KCNH1: variants seen among roughly 807,000 people sequenced by gnomAD.
KCNH1 encodes the protein potassium voltage-gated channel subfamily H member 1, also known as voltage-gated delayed rectifier potassium channel KCNH1.
KCNH1 carries 27 observed loss-of-function variants against 69.2 expected under a neutral mutation model. The observed-to-expected ratio is 0.39, with a 90% CI of 0.29 to 0.54. The LOEUF is 0.54. Ranked by LOEUF, KCNH1 falls within the 20% of genes least tolerant of loss-of-function variation. The probability of loss-of-function intolerance (pLI) is 0.68; values close to 1 mark genes in which losing one functional copy is unlikely to be tolerated. For missense variants in KCNH1, 798 were observed against 1,261.6 expected, an observed-to-expected ratio of 0.63 and a Z score of 5.57; for synonymous variants, 456 against 487.7, an observed-to-expected ratio of 0.93 and a Z score of 0.86.
intron 6 of KCNH1, among the ~76,000 whole-genome samples, chr1:210,933,453 T>C (rs913649678): frequency 3.3e-5 from 5 of 151,902 alleles, no homozygotes; most frequent in Admixed American, 6.6e-5. Flanking sequence ...GCATGGCACA[T>C]GTATACATAT....
intron 6 of KCNH1, among the ~76,000 whole-genome samples, chr1:210,949,262 T>C (rs1314210686): frequency 6.6e-6 from 1 of 152,204 alleles, no homozygotes; most frequent in South Asian, 2.1e-4. Context: ...ATGTCCCATA[T>C]ACCAAGGTGT....
At chr1:210,872,602 A>C (rs1686277378) in intron 7 of KCNH1, among the ~76,000 whole-genome samples, 1 of 152,180 alleles carries the variant, frequency 6.6e-6, no homozygotes, top group African/African-American at 2.4e-5. Flanking sequence ...GGAAACTTAC[A>C]ATCATGGCAA....
chr1:211,024,313 G>C (rs1477791808), intron 5 of KCNH1, among the ~76,000 whole-genome samples: 1 of 152,180 alleles, frequency 6.6e-6, no homozygotes, highest in Non-Finnish European at 1.5e-5. Context: ...TGAAACCTGA[G>C]TGACAACAAA....
At chr1:210,957,502 T>C (rs1688201858) in intron 6 of KCNH1, among the ~76,000 whole-genome samples, 1 of 152,168 alleles carries the variant, frequency 6.6e-6, no homozygotes, top group South Asian at 2.1e-4. Flanking sequence ...TTGTCTAATA[T>C]TGACAATGGG....
chr1:210,789,701 C>CCTAAAGCCTCACAAACAAGACATGCA (rs1574257278), intron 9 of KCNH1, among the ~76,000 whole-genome samples: 1 of 152,106 alleles, frequency 6.6e-6, no homozygotes, highest in East Asian at 1.9e-4. Context: ...ATTAAAATAT[C>CCTAAAGCCTCACAAACAAGACATGCA]CTAAAGCCTC....
At chr1:210,708,184 A>T (rs1373123738) in intron 10 of KCNH1, among the ~76,000 whole-genome samples, 1 of 151,888 alleles carries the variant, frequency 6.6e-6, no homozygotes, top group Non-Finnish European at 1.5e-5. Context: ...GAGCCCATTT[A>T]TGCTGCTTTT....
chr1:211,131,672 G>T (rs1481178008), intron 1 of KCNH1, among the ~76,000 whole-genome samples: 1 of 152,130 alleles, frequency 6.6e-6, no homozygotes, highest in African/African-American at 2.4e-5. Flanking sequence ...CAGATATTGT[G>T]ATATTTCTAG....
intron 6 of KCNH1, among the ~76,000 whole-genome samples, chr1:210,956,728 T>C (rs980365015): frequency 5.9e-5 from 9 of 152,094 alleles, no homozygotes; most frequent in Non-Finnish European, 1.3e-4. Flanking sequence ...TCTCTGATGG[T>C]AGTTTGTATT....
chr1:211,038,696 G>A (rs1321438690), intron 5 of KCNH1, among the ~76,000 whole-genome samples: 3 of 152,184 alleles, frequency 2.0e-5, no homozygotes, highest in Admixed American at 2.0e-4. Context: ...TTAGCAAAGG[G>A]ACTGCTGGTA....
chr1:210,887,714 T>C (rs115346597), intron 7 of KCNH1, among the ~76,000 whole-genome samples: 21,925 of 59,836 alleles, frequency 0.37, 2,479 homozygotes, highest in Middle Eastern at 0.46. Context: ...AGCAAGAAAA[T>C]GGAAAGCCAA....
intron 10 of KCNH1, among the ~76,000 whole-genome samples, chr1:210,703,845 T>C (rs1472693190): frequency 6.6e-6 from 1 of 152,202 alleles, no homozygotes; most frequent in Non-Finnish European, 1.5e-5. Flanking sequence ...AGTTTCTAAT[T>C]AATTATACTG....
intron 5 of KCNH1, among the ~76,000 whole-genome samples, chr1:211,048,470 G>A (rs1397415812): frequency 6.6e-6 from 1 of 151,946 alleles, no homozygotes; most frequent in Non-Finnish European, 1.5e-5. Context: ...AAGAAAATGT[G>A]GTGTATATAC....
chr1:210,836,111 CAAAAAA>C (rs776429016), intron 7 of KCNH1, among the ~76,000 whole-genome samples: 8 of 93,366 alleles, frequency 8.6e-5, no homozygotes, highest in Middle Eastern at 6.3e-3. Context: ...GTCTCCGTCT[CAAAAAA>C]AAAAAAAAAA....
chr1:210,780,791 T>C (rs1490637399), intron 9 of KCNH1, among the ~76,000 whole-genome samples: 3 of 152,226 alleles, frequency 2.0e-5, no homozygotes, highest in African/African-American at 4.8e-5. Context: ...CTCACGCCTG[T>C]AATCCCAGCA....
chr1:211,130,497 G>T lies in KCNH1; in HGVS notation c.79+3370C>A, dbSNP rs180741679. 2.8e-4 allele frequency among the ~76,000 whole-genome samples: 43 copies of T among 152,116 alleles called. 1 individual carries two copies. The highest frequency in any genetic ancestry group is 5.6e-4 in the Non-Finnish European group (38 of 67,956). The stretch of plus-strand genomic sequence containing the variant: ...AATGTAATTTACTAATCACAAGGAG[G>T]GTTTCTTGTTTACCACTGTATCCTC... On this transcript the variant is annotated intron_variant, in intron 1 of 10. Transcript: ENST00000271751.
chr1:210,806,827 AAAAAAAAAAATATAT>A (rs1684582616), intron 7 of KCNH1, among the ~76,000 whole-genome samples: 4 of 64,098 alleles, frequency 6.2e-5, no homozygotes, highest in Admixed American at 1.6e-4. Flanking sequence ...AAAAAAAAAA[AAAAAAAAAAATATAT>A]ATATATATAT....
At chr1:211,061,788 C>T (rs1690437006) in intron 5 of KCNH1, among the ~76,000 whole-genome samples, 1 of 151,948 alleles carries the variant, frequency 6.6e-6, no homozygotes, top group South Asian at 2.1e-4. Flanking sequence ...ATGAAAGCTA[C>T]AAAACATTGA....
At chr1:210,718,121 A>G (rs1682308482) in intron 10 of KCNH1, among the ~76,000 whole-genome samples, 1 of 150,622 alleles carries the variant, frequency 6.6e-6, no homozygotes, top group South Asian at 2.1e-4. Flanking sequence ...AACAAAAACA[A>G]AAACAAAAAA....
In KCNH1 at chr1:210,846,434, C is replaced by T. The variant is rs557483477; in HGVS notation, c.1463-42268G>A. ...CCTCAGAAATAATGCCACATATCTA[C>T]AACCATCTGATCTTTGACAAACCTG... On this transcript the variant is annotated intron_variant, in intron 7 of 10. Transcript: ENST00000271751. Among the ~76,000 whole-genome samples, 73 of 152,204 alleles carry T rather than the reference C, an allele frequency of 4.8e-4. No individual in the cohort carries two copies. In the Middle Eastern group the frequency reaches 0.01, roughly 21 times the overall value.
Sources: gnomAD v4.1 joint callset for allele counts (sites outside exome capture counted in the v4.1 genomes callset) on GRCh38, gnomAD v4.1.1 for gene constraint, MANE v1.5 for transcripts, NCBI Gene and HGNC (gene_info 2026-07-23, HGNC 2026-07-21) for gene names.